FILIP1L: variants seen among roughly 807,000 people sequenced by gnomAD.
FILIP1L encodes filamin A interacting protein 1 like, also known as filamin A-interacting protein 1-like.
Under a neutral mutation model 96.6 loss-of-function variants are expected in FILIP1L, and 55 were observed. That is an observed-to-expected ratio of 0.57 (90% CI 0.46 to 0.71). The LOEUF (loss-of-function observed/expected upper bound fraction) is 0.71, where lower values mean the gene tolerates loss of function less well. FILIP1L is among the 30% of genes least tolerant of loss of function. The probability of loss-of-function intolerance (pLI) is 0.00; values close to 1 mark genes in which losing one functional copy is unlikely to be tolerated. For missense variants in FILIP1L, 1,304 were observed against 1,321.2 expected (o/e 0.99, Z 0.20); for synonymous variants, 467 against 473.9 (o/e 0.99, Z 0.19).
intron 1 of FILIP1L, among the ~76,000 whole-genome samples, chr3:99,968,143 G>C (rs539347157): frequency 6.6e-6 from 1 of 152,134 alleles, no homozygotes. Context: ...TGGCAATTTA[G>C]GGAAGGTACC....
chr3:99,886,426 C>T (rs1490839973), intron 4 of FILIP1L, among the ~76,000 whole-genome samples: 2 of 150,894 alleles, frequency 1.3e-5, no homozygotes, highest in African/African-American at 2.4e-5. Flanking sequence ...AAAAAAAAAT[C>T]GGAAAAAAAA....
intron 1 of FILIP1L, among the ~76,000 whole-genome samples, chr3:100,033,224 G>T (rs28714363): frequency 0.19 from 28,143 of 152,120 alleles, 2,947 homozygotes; most frequent in South Asian, 0.25. Flanking sequence ...TGTAACATTT[G>T]TGGTTTATGT....
chr3:99,894,482 T>C (rs1319936826), intron 4 of FILIP1L, among the ~76,000 whole-genome samples: 1 of 152,228 alleles, frequency 6.6e-6, no homozygotes, highest in Non-Finnish European at 1.5e-5. Flanking sequence ...TTTTTGATAC[T>C]TCTAAAGTCT....
intron 1 of FILIP1L, among the ~76,000 whole-genome samples, chr3:99,958,016 C>T (rs1708382988): frequency 6.7e-6 from 1 of 148,666 alleles, no homozygotes; most frequent in South Asian, 2.1e-4. Flanking sequence ...GCTGGATATT[C>T]ATATGTTTAT....
chr3:100,061,856 T>C (rs994163320), intron 1 of FILIP1L, among the ~76,000 whole-genome samples: 3 of 152,156 alleles, frequency 2.0e-5, no homozygotes, highest in African/African-American at 7.2e-5. Context: ...TTCACTTTTT[T>C]CATTTATTCA....
Position 99,849,094 on chromosome 3 carries a change from A to G in FILIP1L, c.2582T>C (p.Leu861Pro). ...QSTPCPVNRK[L>P]WIPWMKSKEG... is the part of the protein sequence containing the mutation. ...CTTGGATTTCATCCAGGGAATCCAT[A>G]GCTTTCTGTTAACAGGACATGGAGT... The change falls in exon 5 of 6, where the codon CTA (leucine) becomes CCA (proline). Residue 861 changes from leucine (L) to proline (P), a missense_variant. Coordinates refer to ENST00000477258, the MANE Select transcript of FILIP1L (RefSeq NM_001387850.1). 1 of 1,614,128 alleles carries G rather than the reference A, an allele frequency of 6.2e-7. No individual in the cohort carries two copies. Among genetic ancestry groups the G allele is most frequent in the Non-Finnish European group, 8.5e-7 (1 of 1,179,988 alleles).
At chr3:100,015,703 TTCA>T (rs1392766887) in intron 1 of FILIP1L, among the ~76,000 whole-genome samples, 1 of 152,218 alleles carries the variant, frequency 6.6e-6, no homozygotes, top group African/African-American at 2.4e-5. Context: ...CTTCAGTGTC[TTCA>T]TCGTTTTTGC....
intron 4 of FILIP1L, among the ~76,000 whole-genome samples, chr3:99,914,706 CACA>C (rs1190973450): frequency 1.3e-5 from 2 of 152,132 alleles, no homozygotes; most frequent in Non-Finnish European, 2.9e-5. Flanking sequence ...TTAGCAATTT[CACA>C]TATAAGAATT....
chr3:99,847,563 T>C (rs1943423099), intron 5 of FILIP1L, among the ~76,000 whole-genome samples: 1 of 152,204 alleles, frequency 6.6e-6, no homozygotes, highest in Non-Finnish European at 1.5e-5. Flanking sequence ...TCTGCTTCTA[T>C]GTGCTCATGA....
chr3:100,005,574 T>A (rs1344067647), intron 1 of FILIP1L, among the ~76,000 whole-genome samples: 1 of 152,238 alleles, frequency 6.6e-6, no homozygotes, highest in Non-Finnish European at 1.5e-5. Flanking sequence ...TTTACAAGAA[T>A]AACCTTTTAA....
At position 99,830,143 on chromosome 3, in the gene FILIP1L, A is replaced by T. The variant is rs951343331; in HGVS notation, c.*271T>A. The T allele has an allele frequency of 8.8e-6, 2 of 228,204 alleles. No individual in the cohort carries two copies. Among genetic ancestry groups the T allele is most frequent in the Admixed American group, 1.0e-4 (2 of 19,966 alleles). The allele number at this position is 228,204 out of a possible 1,614,324, so 14.1% of individuals were successfully genotyped here. On this transcript the variant is annotated 3_prime_UTR_variant, in exon 6 of 6. Transcript: ENST00000477258. ...CAGTCCTATCCCAGGCTGATTCTAG[A>T]TAGTTCATCTTTGGGTTAGATTATA...
intron 1 of FILIP1L, among the ~76,000 whole-genome samples, chr3:100,008,126 T>G (rs1404904383): frequency 6.6e-6 from 1 of 152,158 alleles, no homozygotes; most frequent in Non-Finnish European, 1.5e-5. Context: ...CTGCTGCTGT[T>G]GGAGACATTC....
intron 1 of FILIP1L, among the ~76,000 whole-genome samples, chr3:100,054,120 G>C (rs2065420840): frequency 6.6e-6 from 1 of 152,172 alleles, no homozygotes; most frequent in Non-Finnish European, 1.5e-5. Context: ...AAACATTTGT[G>C]TGCTTTCAAG....
intron 5 of FILIP1L, among the ~76,000 whole-genome samples, chr3:99,842,504 CA>C (rs10935983): frequency 0.73 from 95,697 of 131,434 alleles, 33,610 homozygotes; most frequent in African/African-American, 0.82. Context: ...TAAAACAGGC[CA>C]AAAAAAAAAA....
chr3:99,869,497 A>C (rs928838933), intron 4 of FILIP1L, among the ~76,000 whole-genome samples: 1 of 152,196 alleles, frequency 6.6e-6, no homozygotes, highest in Non-Finnish European at 1.5e-5. Context: ...ATTTTCACAA[A>C]ATTCCACAGA....
At chr3:99,933,280 C>T (rs1383257108) in intron 1 of FILIP1L, among the ~76,000 whole-genome samples, 4 of 152,080 alleles carry the variant, frequency 2.6e-5, no homozygotes, top group Non-Finnish European at 5.9e-5. Context: ...TTTACAAATA[C>T]GGTATAGATG....
intron 1 of FILIP1L, among the ~76,000 whole-genome samples, chr3:99,933,381 G>A (rs544294924): frequency 6.6e-6 from 1 of 152,220 alleles, no homozygotes; most frequent in African/African-American, 2.4e-5. Context: ...GGCATAGAAG[G>A]GATATTTTTG....
At chr3:99,981,872 C>T (rs1182245506) in intron 1 of FILIP1L, among the ~76,000 whole-genome samples, 1 of 152,170 alleles carries the variant, frequency 6.6e-6, no homozygotes, top group Non-Finnish European at 1.5e-5. Context: ...GGCATGGTGG[C>T]TCACACCTGT....
intron 1 of FILIP1L, among the ~76,000 whole-genome samples, chr3:99,992,134 G>T (rs1051815681): frequency 6.6e-6 from 1 of 151,814 alleles, no homozygotes; most frequent in East Asian, 1.9e-4. Context: ...AAAAATACAA[G>T]TGCAGCTATC....
Sources: allele counts gnomAD v4.1 joint callset (sites outside exome capture counted in the v4.1 genomes callset), GRCh38; gene constraint gnomAD v4.1.1; transcripts MANE v1.5; gene names NCBI Gene and HGNC (gene_info 2026-07-23, HGNC 2026-07-21).